Variants in DMD observed in about 807,000 individuals in gnomAD.
DMD encodes dystrophin.
In DMD, 63 loss-of-function variants were observed where a neutral mutation model predicts 330.1. That is an observed-to-expected ratio of 0.19 (90% CI 0.16 to 0.24). The LOEUF (loss-of-function observed/expected upper bound fraction) is 0.24, where lower values mean the gene tolerates loss of function less well. Among genes scored for constraint, DMD ranks in the 10% least tolerant of loss-of-function variants. The probability of loss-of-function intolerance (pLI) is 1.00; values close to 1 mark genes in which losing one functional copy is unlikely to be tolerated. For synonymous variants in DMD, 1,223 were observed against 959.8 expected (o/e 1.27, Z -5.07); for missense variants, 3,344 against 2,684.1 (o/e 1.25, Z -5.43).
chrX:33,010,047 T>C (rs200401295), intron 2 of DMD, among the ~76,000 whole-genome samples: 1 of 45,803 alleles, frequency 2.2e-5, no homozygotes, highest in Non-Finnish European at 6.3e-5. Flanking sequence ...TATACACATG[T>C]GTATATATAC....
chrX:31,842,411 A>C (rs1282006526), intron 48 of DMD, among the ~76,000 whole-genome samples: 1 of 112,435 alleles, frequency 8.9e-6, no homozygotes, highest in Non-Finnish European at 1.9e-5. Flanking sequence ...TAGTTGGTAA[A>C]GCAGCAGCAG....
chrX:31,919,195 A>C (rs1196435782), intron 47 of DMD, among the ~76,000 whole-genome samples: 3 of 112,053 alleles, frequency 2.7e-5, no homozygotes, highest in Non-Finnish European at 3.8e-5. Context: ...AGCAACCTCT[A>C]GGAGATAACT....
chrX:32,719,897 T>A (rs1449880396), intron 7 of DMD, among the ~76,000 whole-genome samples: 1 of 110,390 alleles, frequency 9.1e-6, no homozygotes. Context: ...TATAATACGT[T>A]GTTATCCCAG....
At chrX:32,873,249 T>G (rs1267184632) in intron 2 of DMD, among the ~76,000 whole-genome samples, 1 of 110,153 alleles carries the variant, frequency 9.1e-6, no homozygotes, top group Non-Finnish European at 1.9e-5. Context: ...CCTAAATATG[T>G]GCTTTTGAGA....
At chrX:32,551,881 G>C (rs2049599126) in intron 16 of DMD, among the ~76,000 whole-genome samples, 1 of 111,568 alleles carries the variant, frequency 9.0e-6, no homozygotes, top group African/African-American at 3.3e-5. Context: ...ATTCATAATT[G>C]TCAAAAAGAA....
chrX:31,380,881 C>A (rs749113794), intron 60 of DMD, among the ~76,000 whole-genome samples: 1 of 110,399 alleles, frequency 9.1e-6, no homozygotes, highest in Non-Finnish European at 1.9e-5. Context: ...TCACAGACAG[C>A]CCCCATTACT....
chrX:32,543,353 T>C (rs1333258733), intron 17 of DMD, among the ~76,000 whole-genome samples: 1 of 109,336 alleles, frequency 9.1e-6, no homozygotes, highest in Non-Finnish European at 1.9e-5. Flanking sequence ...TCCAACACAA[T>C]CCATTCTCCA....
intron 47 of DMD, among the ~76,000 whole-genome samples, chrX:31,913,812 T>C (rs776618283): frequency 1.1e-4 from 12 of 112,156 alleles, no homozygotes; most frequent in African/African-American, 3.9e-4. Flanking sequence ...GCTGCTCTTA[T>C]CACTGAGACA....
At chrX:32,775,165 A>T (rs770548733) in intron 7 of DMD, among the ~76,000 whole-genome samples, 1 of 112,637 alleles carries the variant, frequency 8.9e-6, no homozygotes, top group East Asian at 2.8e-4. Context: ...GGCTCCCATG[A>T]CCTTGGACAG....
At chrX:32,364,325 T>C (rs1484599997) in intron 36 of DMD, among the ~76,000 whole-genome samples, 1 of 112,194 alleles carries the variant, frequency 8.9e-6, no homozygotes, top group Non-Finnish European at 1.9e-5. Context: ...AAATAAATCT[T>C]GGAATATCTT....
chrX:33,283,746 C>T (rs1033346079), intron 1 of DMD, among the ~76,000 whole-genome samples: 2 of 110,717 alleles, frequency 1.8e-5, no homozygotes, highest in Admixed American at 9.6e-5. Context: ...AGGCCAGGTG[C>T]GGTGGCTCAC....
intron 59 of DMD, among the ~76,000 whole-genome samples, chrX:31,458,988 A>G (rs2066363762): frequency 8.9e-6 from 1 of 111,860 alleles, no homozygotes; most frequent in Non-Finnish European, 1.9e-5. Context: ...TTTTAACCTT[A>G]TGCTTTATTG....
chrX:31,756,121 G>T (rs1338981495), intron 51 of DMD, among the ~76,000 whole-genome samples: 2 of 110,818 alleles, frequency 1.8e-5, no homozygotes, highest in African/African-American at 6.6e-5. Flanking sequence ...GTTCAGATAC[G>T]AGACTGCGGT....
At chrX:32,077,985 T>G (rs2096365485) in intron 44 of DMD, among the ~76,000 whole-genome samples, 1 of 110,687 alleles carries the variant, frequency 9.0e-6, no homozygotes, top group South Asian at 3.9e-4. Context: ...GGCTTGATCT[T>G]GAGACTATTT....
intron 1 of DMD, among the ~76,000 whole-genome samples, chrX:33,094,116 A>T (rs1429466591): frequency 1.8e-5 from 2 of 111,108 alleles, no homozygotes; most frequent in Non-Finnish European, 3.8e-5. Flanking sequence ...TTCAGATTTA[A>T]TTGTAATCTT....
At chrX:31,687,434 CA>C (rs2082757095) in intron 52 of DMD, among the ~76,000 whole-genome samples, 1 of 110,756 alleles carries the variant, frequency 9.0e-6, no homozygotes. Context: ...GAGGGGAGCC[CA>C]AGGCCCTAAA....
chrX:32,157,463 G>T (rs1040470038), intron 44 of DMD, among the ~76,000 whole-genome samples: 1 of 112,379 alleles, frequency 8.9e-6, no homozygotes. Context: ...TACTTGGATT[G>T]TCTATCTTTT....
At chrX:32,080,890 C>T (rs2096386788) in intron 44 of DMD, among the ~76,000 whole-genome samples, 1 of 112,132 alleles carries the variant, frequency 8.9e-6, no homozygotes, top group African/African-American at 3.2e-5. Context: ...TCATTCGAAG[C>T]TCTGAAGCTT....
chrX:32,033,638 A>AAAG (rs1557081314), intron 44 of DMD, among the ~76,000 whole-genome samples: 15 of 66,274 alleles, frequency 2.3e-4, no homozygotes, highest in East Asian at 1.0e-3. Flanking sequence ...AGAAAGAAAG[A>AAAG]AAGAAAGAAA....
Sources: allele counts gnomAD v4.1 joint callset (sites outside exome capture counted in the v4.1 genomes callset), GRCh38; gene constraint gnomAD v4.1.1; transcripts MANE v1.5; gene names NCBI Gene and HGNC (gene_info 2026-07-23, HGNC 2026-07-21).